The following EPHA6 variants were observed in gnomAD, a reference collection of about 807,000 sequenced individuals.
The protein encoded by EPHA6 is EPH receptor A6.
A neutral mutation model predicts 112.0 loss-of-function variants in EPHA6; 50 were observed. That is an observed-to-expected ratio of 0.45 (90% CI 0.36 to 0.56). The LOEUF (loss-of-function observed/expected upper bound fraction) is 0.56. Among genes scored for constraint, EPHA6 ranks in the 20% least tolerant of loss-of-function variants. The pLI, the probability that EPHA6 is intolerant of heterozygous loss-of-function variation, is 0.00. For missense variants in EPHA6, 1,280 were observed against 1,417.4 expected, an observed-to-expected ratio of 0.90 and a Z score of 1.56; for synonymous variants, 529 against 490.7, an observed-to-expected ratio of 1.08 and a Z score of -1.03.
At chr3:97,671,715 A>G (rs1390514478) in intron 14 of EPHA6, among the ~76,000 whole-genome samples, 1 of 152,160 alleles carries the variant, frequency 6.6e-6, no homozygotes, top group African/African-American at 2.4e-5. Flanking sequence ...AGGGCAAAAT[A>G]ATTTAATGCT....
At chr3:97,271,561 T>A (rs1576814176) in intron 5 of EPHA6, among the ~76,000 whole-genome samples, 1 of 152,344 alleles carries the variant, frequency 6.6e-6, no homozygotes, top group South Asian at 2.1e-4. Context: ...TTTCAGCATG[T>A]TGATCAGGCT....
rs372351361 is a variant in EPHA6 at position 97,676,945 on chromosome 3, C to T, written c.2784+38863C>T. On this transcript the variant is annotated intron_variant, in intron 14 of 17. Coordinates refer to ENST00000389672, the MANE Select transcript of EPHA6 (RefSeq NM_001080448.3). ...CTAGAAGACTGGGAAAATAAGTGAT[C>T]TAGGATTTTGCTGTACAATGTGGCA... Among the ~76,000 whole-genome samples the T allele has an allele frequency of 6.6e-5, 10 of 152,196 alleles. No homozygotes were observed. In the South Asian group the frequency reaches 1.9e-3, roughly 28 times the overall value.
chr3:97,196,133 G>T (rs567937911), intron 3 of EPHA6, among the ~76,000 whole-genome samples: 1 of 147,900 alleles, frequency 6.8e-6, no homozygotes, highest in African/African-American at 2.5e-5. Context: ...CCCTTTTGAG[G>T]CTATTTTCTA....
chr3:97,726,307 C>T (rs900463587), intron 15 of EPHA6, among the ~76,000 whole-genome samples: 6 of 152,084 alleles, frequency 3.9e-5, no homozygotes, highest in African/African-American at 1.4e-4. Context: ...TCAAAGGAGT[C>T]TTCACACCAC....
intron 1 of EPHA6, 112 bp from the exon 2 acceptor site, chr3:96,866,713 A>T: frequency 7.7e-6 from 4 of 520,332 alleles, no homozygotes; most frequent in Non-Finnish European, 9.8e-6. Flanking sequence ...AATTCAGTGA[A>T]TAATAGTAAG....
chr3:97,712,429 C>CA (rs2034015903), intron 14 of EPHA6, among the ~76,000 whole-genome samples: 1 of 152,104 alleles, frequency 6.6e-6, no homozygotes, highest in African/African-American at 2.4e-5. Context: ...AGTATGTTTT[C>CA]AAAACCATAA....
At chr3:96,962,962 T>A (rs2107756883) in intron 2 of EPHA6, among the ~76,000 whole-genome samples, 1 of 152,088 alleles carries the variant, frequency 6.6e-6, no homozygotes. Flanking sequence ...GAGACCAGCA[T>A]GGGAAACATG....
chr3:96,954,426 C>T (rs112860078), intron 2 of EPHA6, among the ~76,000 whole-genome samples: 26 of 152,284 alleles, frequency 1.7e-4, no homozygotes, highest in African/African-American at 6.0e-4. Context: ...GTCACACTGG[C>T]CCCTTGCTGT....
chr3:97,368,664 C>A (rs2084880111), intron 5 of EPHA6, among the ~76,000 whole-genome samples: 1 of 152,050 alleles, frequency 6.6e-6, no homozygotes, highest in South Asian at 2.1e-4. Context: ...CATTTAAAAG[C>A]CTTTTTGAAA....
chr3:97,343,753 G>A (rs144397055), intron 5 of EPHA6, among the ~76,000 whole-genome samples: 1 of 152,254 alleles, frequency 6.6e-6, no homozygotes, highest in African/African-American at 2.4e-5. Flanking sequence ...GACTTCAAAG[G>A]TGACTTGGAG....
At chr3:97,516,770 A>T (rs541966347) in intron 10 of EPHA6, among the ~76,000 whole-genome samples, 7 of 152,180 alleles carry the variant, frequency 4.6e-5, no homozygotes, top group Non-Finnish European at 1.0e-4. Context: ...TAAATTAAAT[A>T]AAAAAGATGA....
chr3:97,655,732 C>T (rs2094134128), intron 14 of EPHA6, among the ~76,000 whole-genome samples: 2 of 127,402 alleles, frequency 1.6e-5, no homozygotes, highest in Admixed American at 1.0e-4. Context: ...GGAAGTGGAA[C>T]ATCACACACT....
chr3:97,410,894 G>T (rs1381061395), intron 6 of EPHA6, among the ~76,000 whole-genome samples: 3 of 151,970 alleles, frequency 2.0e-5, no homozygotes, highest in African/African-American at 2.4e-5. Context: ...TCTATAACTG[G>T]CTAGCATCTC....
At chr3:97,553,599 T>C (rs1446468488) in intron 11 of EPHA6, among the ~76,000 whole-genome samples, 1 of 151,920 alleles carries the variant, frequency 6.6e-6, no homozygotes, top group Non-Finnish European at 1.5e-5. Flanking sequence ...ATGAGAACGC[T>C]TCACTATCAA....
chr3:96,894,638 G>A (rs540559062), intron 2 of EPHA6, among the ~76,000 whole-genome samples: 6 of 152,168 alleles, frequency 3.9e-5, no homozygotes, highest in East Asian at 3.9e-4. Flanking sequence ...GAGTTTGTCC[G>A]TGATTTCAGA....
At chr3:97,209,074 T>C (rs544988876) in intron 3 of EPHA6, among the ~76,000 whole-genome samples, 5 of 152,184 alleles carry the variant, frequency 3.3e-5, no homozygotes, top group Non-Finnish European at 4.4e-5. Context: ...CAAGCAATGA[T>C]ACATTCATAT....
At chr3:97,156,822 T>C (rs1452275057) in intron 3 of EPHA6, among the ~76,000 whole-genome samples, 1 of 152,170 alleles carries the variant, frequency 6.6e-6, no homozygotes, top group East Asian at 1.9e-4. Flanking sequence ...CATTTCAATA[T>C]AGGTATTCCA....
chr3:97,443,633 A>G (rs890221187), intron 6 of EPHA6, among the ~76,000 whole-genome samples: 1 of 152,122 alleles, frequency 6.6e-6, no homozygotes, highest in Non-Finnish European at 1.5e-5. Flanking sequence ...ACATAAAATT[A>G]ATAGAAAATA....
At chr3:97,302,904 C>G (rs9874379) in intron 5 of EPHA6, among the ~76,000 whole-genome samples, 4,067 of 151,678 alleles carry the variant, frequency 0.027, 182 homozygotes, top group African/African-American at 0.092. Flanking sequence ...TGCTATATGA[C>G]CAAATTTATA....
Sources: allele counts gnomAD v4.1 joint callset (sites outside exome capture counted in the v4.1 genomes callset), GRCh38; gene constraint gnomAD v4.1.1; transcripts MANE v1.5; gene names NCBI Gene and HGNC (gene_info 2026-07-23, HGNC 2026-07-21).